The following DYNC2H1 variants were observed in gnomAD, a reference collection of about 807,000 sequenced individuals.
DYNC2H1 encodes the protein dynein cytoplasmic 2 heavy chain 1.
DYNC2H1 carries 410 observed loss-of-function variants against 570.0 expected under a neutral mutation model. The observed-to-expected ratio is 0.72, with a 90% CI of 0.66 to 0.78. DYNC2H1 has a LOEUF of 0.78. Among genes scored for constraint, DYNC2H1 ranks in the 30% least tolerant of loss-of-function variants. The pLI, the probability that DYNC2H1 is intolerant of heterozygous loss-of-function variation, is 0.00. For missense variants in DYNC2H1, 4,865 were observed against 5,046.4 expected, an observed-to-expected ratio of 0.96 and a Z score of 1.09; for synonymous variants, 1,688 against 1,677.6, an observed-to-expected ratio of 1.01 and a Z score of -0.15.
At position 103,148,480 on chromosome 11, in the gene DYNC2H1, T is replaced by C. The variant is rs1025795324; in HGVS notation, c.2819-10T>C. ...ATTAACATTTCTTGTATTTCAATGT[T>C]ACCACTCAGCTCATTTACATGAAAT... On this transcript the variant is annotated splice_polypyrimidine_tract_variant and intron_variant, in intron 19 of 88. Transcript: ENST00000375735. 1.3e-6 allele frequency: 2 copies of C among 1,553,114 alleles called. No homozygotes were observed. The highest frequency in any genetic ancestry group is 1.7e-6 in the Non-Finnish European group (2 of 1,147,938).
At chr11:103,331,357 T>C (rs1200569856) in intron 82 of DYNC2H1, among the ~76,000 whole-genome samples, 1 of 152,106 alleles carries the variant, frequency 6.6e-6, no homozygotes, top group Admixed American at 6.5e-5. Flanking sequence ...CCAGAAACCT[T>C]GGGGAGAGAA....
chr11:103,478,413 C>T (rs1945635538), intron 88 of DYNC2H1, among the ~76,000 whole-genome samples: 1 of 151,884 alleles, frequency 6.6e-6, no homozygotes, highest in African/African-American at 2.4e-5. Flanking sequence ...CCTCTAATAG[C>T]CAAAAAAGAG....
In DYNC2H1 at chr11:103,157,259, A is replaced by G. The variant is rs564066475; in HGVS notation, c.4127+489A>G. ...GGCCTCAGCCTTCGATTTTTTTCTCACTGTATTCTCAGGTAATCTTAACCA... is the reference window on the plus strand; with the variant it reads ...GGCCTCAGCCTTCGATTTTTTTCTCGCTGTATTCTCAGGTAATCTTAACCA... On this transcript the variant is annotated intron_variant, in intron 26 of 88. Coordinates refer to ENST00000375735, the MANE Select transcript of DYNC2H1 (RefSeq NM_001377.3). The surrounding 1 kb of genome is among the most constrained non-coding windows in gnomAD (Gnocchi z 4.2). Among the ~76,000 whole-genome samples, 4 of 152,012 alleles carry G rather than the reference A, an allele frequency of 2.6e-5. No individual in the cohort carries two copies. The highest frequency in any genetic ancestry group is 6.6e-5 in the Admixed American group (1 of 15,258).
intron 82 of DYNC2H1, among the ~76,000 whole-genome samples, chr11:103,335,225 A>G (rs570979832): frequency 2.0e-5 from 3 of 152,178 alleles, no homozygotes; most frequent in African/African-American, 7.2e-5. Context: ...GAAAAAAAAG[A>G]AGAAATGAGG....
intron 73 of DYNC2H1, among the ~76,000 whole-genome samples, chr11:103,283,960 G>A (rs189139250): frequency 4.6e-5 from 7 of 152,112 alleles, no homozygotes; most frequent in African/African-American, 1.4e-4. Flanking sequence ...CCAAACTTTA[G>A]TCAGGCTCTT....
At chr11:103,161,809 A>T (rs1861105311) in intron 29 of DYNC2H1, among the ~76,000 whole-genome samples, 1 of 152,194 alleles carries the variant, frequency 6.6e-6, no homozygotes. Context: ...AACTGATCAA[A>T]GGCCTATTAT....
At chr11:103,390,187 T>A (rs371993844) in intron 83 of DYNC2H1, among the ~76,000 whole-genome samples, 1 of 152,184 alleles carries the variant, frequency 6.6e-6, no homozygotes, top group South Asian at 2.1e-4. Context: ...GCTGCTGTAT[T>A]GGGTGCATAT....
chr11:103,199,783 T>C lies in DYNC2H1; in HGVS notation c.8089-263T>C, dbSNP rs534002851. On this transcript the variant is annotated intron_variant, in intron 49 of 88. Transcript: ENST00000375735. The surrounding 1 kb of genome is among the most constrained non-coding windows in gnomAD (Gnocchi z 4.6). ...GGTAAACAGAAGGATGGAATTTACA[T>C]AGGAAATATATGAGTAGAGATAAAA... 6.6e-6 allele frequency among the ~76,000 whole-genome samples: 1 copy of C among 152,256 alleles called. No individual in the cohort carries two copies. The highest frequency in any genetic ancestry group is 2.1e-4 in the South Asian group (1 of 4,822).
intron 54 of DYNC2H1, among the ~76,000 whole-genome samples, chr11:103,214,340 A>G (rs1418936517): frequency 6.6e-6 from 1 of 152,152 alleles, no homozygotes. Flanking sequence ...GGATTTTTAA[A>G]AAAATTTCTG....
chr11:103,158,079 T>C (rs1273333816), intron 26 of DYNC2H1, among the ~76,000 whole-genome samples: 1 of 152,370 alleles, frequency 6.6e-6, no homozygotes, highest in Non-Finnish European at 1.5e-5. Context: ...CACAATTTTA[T>C]TTAAATATTT....
At chr11:103,393,784 G>T (rs1362588243) in intron 83 of DYNC2H1, among the ~76,000 whole-genome samples, 1 of 152,180 alleles carries the variant, frequency 6.6e-6, no homozygotes, top group South Asian at 2.1e-4. Context: ...GTTCCATATG[G>T]CTGGGGAGGC....
intron 88 of DYNC2H1, among the ~76,000 whole-genome samples, chr11:103,474,896 T>C (rs1270522520): frequency 1.3e-5 from 2 of 152,106 alleles, no homozygotes; most frequent in African/African-American, 4.8e-5. Context: ...CCTTTGAAAA[T>C]TGCATTGTCT....
intron 13 of DYNC2H1, among the ~76,000 whole-genome samples, chr11:103,131,289 T>A (rs1277480615): frequency 1.3e-5 from 2 of 152,162 alleles, no homozygotes; most frequent in East Asian, 3.9e-4. Context: ...ATTTTTTACT[T>A]ATCCCAATAT....
At chr11:103,304,266 AGTCT>A (rs1316365615) in intron 76 of DYNC2H1, among the ~76,000 whole-genome samples, 2 of 152,144 alleles carry the variant, frequency 1.3e-5, no homozygotes, top group Admixed American at 1.3e-4. Context: ...TTTTGCACTA[AGTCT>A]AGAGAGTTCT....
intron 73 of DYNC2H1, among the ~76,000 whole-genome samples, chr11:103,285,040 C>A (rs1216534829): frequency 6.6e-6 from 1 of 152,066 alleles, no homozygotes; most frequent in Admixed American, 6.5e-5. Context: ...CATTTAGAGA[C>A]AAATAGAGGC....
At chr11:103,110,752 T>A (rs879720584) in intron 1 of DYNC2H1, among the ~76,000 whole-genome samples, 2 of 152,080 alleles carry the variant, frequency 1.3e-5, no homozygotes, top group African/African-American at 2.4e-5. Context: ...TTTAAACCTC[T>A]TCCTTTGGTG....
chr11:103,305,992 A>G lies in DYNC2H1; in HGVS notation c.11382+1272A>G, dbSNP rs1867266166. 6.6e-6 allele frequency among the ~76,000 whole-genome samples: 1 copy of G among 152,052 alleles called. No individual in the cohort carries two copies. The highest frequency in any genetic ancestry group is 2.4e-5 in the African/African-American group (1 of 41,398). ...AGTGGCACAAGTTTGGCTCACTGCA[A>G]CCTCCACCTCCCAAGTTCAAATGAT... is the stretch of plus-strand genomic sequence containing the variant. On this transcript the variant is annotated intron_variant, in intron 77 of 88. Transcript: ENST00000375735. This position sits in a 1 kb window ranked among gnomAD's most constrained non-coding sequence, Gnocchi z 4.3.
chr11:103,451,652 C>G, intron 85 of DYNC2H1, among the ~76,000 whole-genome samples: 1 of 152,072 alleles, frequency 6.6e-6, no homozygotes. Flanking sequence ...ATTTTTAAAG[C>G]CTTGACACAT....
intron 87 of DYNC2H1, among the ~76,000 whole-genome samples, chr11:103,462,620 G>GAAAT (rs1945055246): frequency 6.6e-6 from 1 of 152,070 alleles, no homozygotes; most frequent in Admixed American, 6.6e-5. Context: ...TGGATATTAT[G>GAAAT]AAATACATTT....
Sources: gnomAD v4.1 joint callset for allele counts (sites outside exome capture counted in the v4.1 genomes callset) on GRCh38, gnomAD v4.1.1 for gene constraint, Gnocchi (gnomAD v3.1) non-coding constraint, MANE v1.5 for transcripts, NCBI Gene and HGNC (gene_info 2026-07-23, HGNC 2026-07-21) for gene names.